Variants in TRAT1 observed in about 807,000 individuals in gnomAD.
The protein encoded by TRAT1 is T cell receptor associated transmembrane adaptor 1.
In TRAT1, 20 loss-of-function variants were observed where a neutral mutation model predicts 20.0. The observed-to-expected ratio is 1.00, with a 90% CI of 0.70 to 1.45. TRAT1 has a LOEUF of 1.45. Ranked by LOEUF, TRAT1 falls within the 40% of genes most tolerant of loss-of-function variation. The pLI is 0.00. For synonymous variants in TRAT1, 77 were observed against 74.2 expected (o/e 1.04, Z -0.20); for missense variants, 237 against 224.1 (o/e 1.06, Z -0.37).
intron 2 of TRAT1, among the ~76,000 whole-genome samples, chr3:108,832,213 CTAA>C (rs1945801525): frequency 6.6e-6 from 1 of 152,188 alleles, no homozygotes; most frequent in South Asian, 2.1e-4. Context: ...TCCAGTTTTT[CTAA>C]TTCTCTGTCC....
intron 5 of TRAT1, among the ~76,000 whole-genome samples, chr3:108,853,183 A>G (rs1946012421): frequency 6.6e-6 from 1 of 152,224 alleles, no homozygotes; most frequent in Non-Finnish European, 1.5e-5. Flanking sequence ...GTACCATTAA[A>G]TGACCAATTG....
At position 108,822,873 on chromosome 3, in the gene TRAT1, T is replaced by G; in HGVS notation, c.-55T>G. On this transcript the variant is annotated 5_prime_UTR_variant, in exon 1 of 6. Transcript: ENST00000295756. ...AGGAAAAAAGTTTGTAGGAGGATTT[T>G]TAATCCATATATTTGTCTTATGGCT... 1 of 1,549,502 alleles carries G rather than the reference T, an allele frequency of 6.5e-7. No individual in the cohort carries two copies. Among genetic ancestry groups the G allele is most frequent in the South Asian group, 1.1e-5 (1 of 87,846 alleles).
At chr3:108,841,092 A>T (rs1311547207) in intron 3 of TRAT1, among the ~76,000 whole-genome samples, 1 of 152,250 alleles carries the variant, frequency 6.6e-6, no homozygotes, top group Non-Finnish European at 1.5e-5. Context: ...TTTCCAGCAC[A>T]TTCTACAGTT....
chr3:108,846,489 T>C (rs944723647), intron 3 of TRAT1, among the ~76,000 whole-genome samples: 2 of 152,220 alleles, frequency 1.3e-5, no homozygotes, highest in African/African-American at 4.8e-5. Flanking sequence ...CTGGACATAA[T>C]AGGTGATCAA....
At chr3:108,839,129 T>C (rs755720722) in intron 3 of TRAT1, 162 bp downstream of exon 3, 20 of 608,000 alleles carry the variant, frequency 3.3e-5, no homozygotes, top group Non-Finnish European at 5.2e-5. Context: ...TCAGAAGCTA[T>C]AACATTATTA....
chr3:108,836,862 G>A (rs2107510289), intron 2 of TRAT1, among the ~76,000 whole-genome samples: 1 of 152,186 alleles, frequency 6.6e-6, no homozygotes, highest in African/African-American at 2.4e-5. Flanking sequence ...CTTAACCCTG[G>A]ATTTGTTCCA....
At chr3:108,826,039 G>A (rs1576516799) in intron 1 of TRAT1, among the ~76,000 whole-genome samples, 1 of 152,132 alleles carries the variant, frequency 6.6e-6, no homozygotes, top group South Asian at 2.1e-4. Flanking sequence ...AAGCAATGAA[G>A]AGTCTAGCAT....
chr3:108,830,827 C>A, intron 2 of TRAT1, 47 bp downstream of exon 2: 2 of 1,216,420 alleles, frequency 1.6e-6, no homozygotes, highest in Admixed American at 1.7e-5. Context: ...TGAATGGAGA[C>A]TATGGAGTCA....
intron 1 of TRAT1, among the ~76,000 whole-genome samples, chr3:108,826,257 C>G (rs1252758632): frequency 6.6e-6 from 1 of 152,146 alleles, no homozygotes; most frequent in Non-Finnish European, 1.5e-5. Context: ...TACTCTCATT[C>G]CCTTTTCCAC....
At chr3:108,842,599 T>C (rs1363158618) in intron 3 of TRAT1, among the ~76,000 whole-genome samples, 2 of 152,116 alleles carry the variant, frequency 1.3e-5, no homozygotes, top group Admixed American at 1.3e-4. Context: ...CTACAAGAAG[T>C]CTGGTCCCTT....
chr3:108,839,059 G>A (rs979985323), intron 3 of TRAT1, 92 bp downstream of exon 3: 3 of 941,276 alleles, frequency 3.2e-6, no homozygotes, highest in Non-Finnish European at 3.4e-6. Flanking sequence ...CATGGATATT[G>A]TACTTAGGTT....
At chr3:108,853,100 T>C (rs545118234) in intron 5 of TRAT1, among the ~76,000 whole-genome samples, 1 of 152,364 alleles carries the variant, frequency 6.6e-6, no homozygotes, top group South Asian at 2.1e-4. Flanking sequence ...GCCAGATATC[T>C]ATCATGTAAG....
intron 5 of TRAT1, among the ~76,000 whole-genome samples, chr3:108,850,681 T>C (rs1199139633): frequency 6.6e-6 from 1 of 152,214 alleles, no homozygotes; most frequent in African/African-American, 2.4e-5. Flanking sequence ...ATATAATGTT[T>C]AGTTAATTAT....
At chr3:108,836,361 C>G (rs1382748460) in intron 2 of TRAT1, among the ~76,000 whole-genome samples, 2 of 152,130 alleles carry the variant, frequency 1.3e-5, no homozygotes, top group Non-Finnish European at 2.9e-5. Context: ...CCTACTTTTT[C>G]TTATTCTTAT....
chr3:108,834,032 A>G (rs756982492), intron 2 of TRAT1, among the ~76,000 whole-genome samples: 1 of 152,030 alleles, frequency 6.6e-6, no homozygotes, highest in African/African-American at 2.4e-5. Context: ...TGCTGCTCCC[A>G]CCATCCCTAT....
intron 2 of TRAT1, 100 bp from the exon 3 acceptor site, chr3:108,838,834 A>G: frequency 2.2e-6 from 2 of 898,536 alleles, no homozygotes; most frequent in Non-Finnish European, 3.7e-6. Context: ...AAATATATTA[A>G]TTGACATTGA....
chr3:108,823,225 C>A (rs905316332), intron 1 of TRAT1, among the ~76,000 whole-genome samples: 1 of 152,130 alleles, frequency 6.6e-6, no homozygotes, highest in Non-Finnish European at 1.5e-5. Flanking sequence ...TTTAAAGAAG[C>A]TTTTGTTGAC....
intron 2 of TRAT1, among the ~76,000 whole-genome samples, chr3:108,833,878 T>C (rs1945816801): frequency 6.6e-6 from 1 of 152,020 alleles, no homozygotes; most frequent in South Asian, 2.1e-4. Context: ...CTAGATCTGG[T>C]GCAGCCCATC....
intron 4 of TRAT1, among the ~76,000 whole-genome samples, chr3:108,847,540 T>C (rs1945958494): frequency 6.6e-6 from 1 of 152,330 alleles, no homozygotes; most frequent in East Asian, 1.9e-4. Context: ...GTTTCTTTGG[T>C]TTCTCATATT....
Sources: gnomAD v4.1 joint callset for allele counts (sites outside exome capture counted in the v4.1 genomes callset) on GRCh38, gnomAD v4.1.1 for gene constraint, MANE v1.5 for transcripts, NCBI Gene and HGNC (gene_info 2026-07-23, HGNC 2026-07-21) for gene names.